LMTK2: variants seen among roughly 807,000 people sequenced by gnomAD.
LMTK2 encodes the protein serine/threonine-protein kinase LMTK2.
LMTK2 carries 37 observed loss-of-function variants against 127.5 expected under a neutral mutation model. The observed-to-expected ratio is 0.29, with a 90% confidence interval of 0.22 to 0.38. The LOEUF (loss-of-function observed/expected upper bound fraction) is 0.38. Ranked by LOEUF, LMTK2 falls within the 10% of genes least tolerant of loss-of-function variation. LMTK2 has a pLI of 1.00. For missense variants in LMTK2, 1,694 were observed against 1,920.3 expected (o/e 0.88, Z 2.20); for synonymous variants, 819 against 810.1 (o/e 1.01, Z -0.19).
chr7:98,124,668 C>T lies in LMTK2; in HGVS notation c.104-12647C>T, dbSNP rs140416864. On this transcript the variant is annotated intron_variant, in intron 1 of 13. Coordinates refer to ENST00000297293, the MANE Select transcript of LMTK2 (RefSeq NM_014916.4). ...GGGCATGGTGGTGCACACCTGTAGT[C>T]CCAGCTACTCGGGAGGCTGAGGTGG... Among the ~76,000 whole-genome samples, 523 of 152,224 alleles carry T rather than the reference C, an allele frequency of 3.4e-3. 2 individuals are homozygous for T. The highest frequency in any genetic ancestry group is 7.3e-3 in the South Asian group (35 of 4,822).
chr7:98,143,546 A>G (rs1796727748), intron 3 of LMTK2, among the ~76,000 whole-genome samples: 1 of 152,214 alleles, frequency 6.6e-6, no homozygotes, highest in Admixed American at 6.5e-5. Flanking sequence ...TAAACATAGT[A>G]ACCTCGTTAT....
At chr7:98,111,898 C>T (rs1375017471) in intron 1 of LMTK2, among the ~76,000 whole-genome samples, 6 of 152,164 alleles carry the variant, frequency 3.9e-5, no homozygotes, top group Admixed American at 6.5e-5. Context: ...ACTTGAAATT[C>T]GTAGTGTTGG....
At chr7:98,141,119 ATT>A (rs1222863137) in intron 2 of LMTK2, among the ~76,000 whole-genome samples, 1 of 152,086 alleles carries the variant, frequency 6.6e-6, no homozygotes, top group Non-Finnish European at 1.5e-5. Flanking sequence ...TTGAGAGTAA[ATT>A]TTTAAGCCTA....
In LMTK2 at chr7:98,192,842, G is replaced by C; in HGVS notation, c.2377G>C (p.Asp793His). The change falls in exon 11 of 14, where the codon GAT becomes CAT. Residue 793 changes from aspartate to histidine, a missense_variant. Coordinates refer to ENST00000297293, the MANE Select transcript of LMTK2 (RefSeq NM_014916.4). ...GGAAAACGTAAGCACAAAGGGTGAC[G>C]ATACAGATGTCATGCTCACAGGTGA... ...LQENVSTKGD[D>H]TDVMLTGDTL... is the part of the protein sequence containing the mutation. 6.2e-7 allele frequency: 1 copy of C among 1,613,870 alleles called. No individual in the cohort carries two copies. The highest frequency in any genetic ancestry group is 8.5e-7 in the Non-Finnish European group (1 of 1,179,836).
chr7:98,185,016 T>C, intron 7 of LMTK2, 35 bp from the exon 8 acceptor site: 2 of 1,490,060 alleles, frequency 1.3e-6, no homozygotes, highest in Non-Finnish European at 1.9e-6. Flanking sequence ...TGGTTGTTGA[T>C]TCTTCTTGCC....
rs1797543871 is a variant in LMTK2, at chr7:98,192,428, A to G, written c.1963A>G (p.Met655Val). 1 of 1,612,440 alleles carries G rather than the reference A, an allele frequency of 6.2e-7. No homozygotes were observed. The highest frequency in any genetic ancestry group is 1.3e-5 in the African/African-American group (1 of 74,832). The change falls in exon 11 of 14, where the codon ATG becomes GTG. Residue 655 changes from methionine (M) to valine (V), a missense_variant. Met to Val is a conservative substitution (Grantham distance 21). Around this residue, in one of 8 missense-constraint regions of LMTK2, gnomAD observed 527 missense variants for 539.8 expected, o/e 0.98. Transcript: ENST00000297293. Reference protein sequence around the residue: ...LPSHQKIFDLMELNGVQADFK... With the variant: ...LPSHQKIFDLVELNGVQADFK... ...CAGTCACCAAAAAATATTCGACTTAATGGAATTAAACGGAGTTCAAGCCGA... is the reference window on the plus strand; with the variant it reads ...CAGTCACCAAAAAATATTCGACTTAGTGGAATTAAACGGAGTTCAAGCCGA...
rs1562902953 is a variant in LMTK2, at chr7:98,140,192, C to CG, written c.232-1205_232-1204insG. ...CTTTTCTTTCTTTTCTTTCTTCTTT[C>CG]TGTCTTTGAGATGGTCTCGCTCTAT... On this transcript the variant is annotated intron_variant, in intron 2 of 13. Coordinates refer to ENST00000297293, the MANE Select transcript of LMTK2 (RefSeq NM_014916.4). Among the ~76,000 whole-genome samples, 23 of 67,030 alleles carry CG rather than the reference C, an allele frequency of 3.4e-4. 8 individuals are homozygous for CG. The highest frequency in any genetic ancestry group is 2.5e-3 in the African/African-American group (21 of 8,388). The allele number at this position is 67,030 out of a possible 152,430, so 44.0% of individuals were successfully genotyped here.
chr7:98,190,664 G>C (rs1311757426), intron 9 of LMTK2, 64 bp from the exon 10 acceptor site: 8 of 1,462,118 alleles, frequency 5.5e-6, no homozygotes, highest in Non-Finnish European at 7.7e-6. Flanking sequence ...TATGTAACAA[G>C]TATGAGTGTT....
chr7:98,192,285 T>C lies in LMTK2; in HGVS notation c.1820T>C (p.Phe607Ser). ...GAGTCCAGTACAGATGAGGACTTCT[T>C]CCAAAGCAGTACAGACCCCAAAGAC... is the stretch of plus-strand genomic sequence containing the variant. ...LEESSTDEDF[F>S]QSSTDPKDSS... The change falls in exon 11 of 14, where the codon TTC becomes TCC. Residue 607 changes from phenylalanine (F) to serine (S), a missense_variant. This residue lies in a region of LMTK2 where 527 missense variants were observed against 539.8 expected (regional missense o/e 0.98). Coordinates refer to ENST00000297293, the MANE Select transcript of LMTK2 (RefSeq NM_014916.4). 1 of 1,534,554 alleles carries C rather than the reference T, an allele frequency of 6.5e-7. No homozygotes were observed. Among genetic ancestry groups the C allele is most frequent in the African/African-American group, 1.4e-5 (1 of 72,050 alleles).
At chr7:98,144,348 G>A (rs1796740015) in intron 3 of LMTK2, among the ~76,000 whole-genome samples, 1 of 151,632 alleles carries the variant, frequency 6.6e-6, no homozygotes, top group Non-Finnish European at 1.5e-5. Context: ...CAGGAGAATG[G>A]CATGAACCCG....
chr7:98,118,420 A>G (rs527266836), intron 1 of LMTK2, among the ~76,000 whole-genome samples: 27 of 152,008 alleles, frequency 1.8e-4, no homozygotes, highest in Non-Finnish European at 3.2e-4. Context: ...TTTATAGGCA[A>G]CTCCTTGAAT....
chr7:98,186,268 G>C (rs1797432014), intron 8 of LMTK2, among the ~76,000 whole-genome samples: 1 of 152,032 alleles, frequency 6.6e-6, no homozygotes, highest in African/African-American at 2.4e-5. Context: ...TCACCCTGTT[G>C]GCCAGGCTGG....
At chr7:98,163,767 G>A (rs891437846) in intron 6 of LMTK2, among the ~76,000 whole-genome samples, 7 of 152,192 alleles carry the variant, frequency 4.6e-5, no homozygotes, top group African/African-American at 1.7e-4. Flanking sequence ...CCCAAAACCT[G>A]CCCAGAAACA....
Position 98,192,718 on chromosome 7 carries a change from T to C in LMTK2, c.2253T>C (p.Asn751=). Residue 751 remains asparagine (N), a synonymous_variant, in exon 11 of 14, where the codon AAT becomes AAC. Transcript: ENST00000297293. Reference sequence around the variant, plus strand: ...ATGATCTTCAGACAGAACTTAAGAATGCTGGTTTTACTGAAGCTATGTTAG... The same window carrying C: ...ATGATCTTCAGACAGAACTTAAGAACGCTGGTTTTACTGAAGCTATGTTAG... ...HINDLQTELK[N]AGFTEAMLET... is the part of the protein sequence containing the mutation. 6.2e-7 allele frequency: 1 copy of C among 1,612,400 alleles called. No homozygotes were observed. The highest frequency in any genetic ancestry group is 1.1e-5 in the South Asian group (1 of 90,826).
At chr7:98,134,669 A>C (rs562183474) in intron 1 of LMTK2, among the ~76,000 whole-genome samples, 32 of 151,206 alleles carry the variant, frequency 2.1e-4, no homozygotes, top group Non-Finnish European at 3.8e-4. Flanking sequence ...AAAAAAAAAA[A>C]AGAAGAAGAA....
chr7:98,164,706 G>C (rs1797067799), intron 6 of LMTK2, among the ~76,000 whole-genome samples: 1 of 152,180 alleles, frequency 6.6e-6, no homozygotes. Flanking sequence ...CTGTGCCCTG[G>C]TGGCGAGGCC....
At chr7:98,189,208 G>A (rs1369505222) in intron 9 of LMTK2, among the ~76,000 whole-genome samples, 2 of 152,170 alleles carry the variant, frequency 1.3e-5, no homozygotes, top group African/African-American at 2.4e-5. Flanking sequence ...GTGTGAGGAT[G>A]TAGGGGTCCA....
chr7:98,114,240 G>GT (rs554396308), intron 1 of LMTK2, among the ~76,000 whole-genome samples: 8,455 of 130,964 alleles, frequency 0.065, 511 homozygotes, highest in East Asian at 0.32. Context: ...TTTTTTTAAA[G>GT]TTTTTTTTTT....
rs546457062 is a variant in LMTK2 at position 98,106,897 on chromosome 7, C to A, written c.-281C>A. On this transcript the variant is annotated 5_prime_UTR_variant, in exon 1 of 14. Coordinates refer to ENST00000297293, the MANE Select transcript of LMTK2 (RefSeq NM_014916.4). Reference sequence around the variant, plus strand: ...GCAGCCCATCATGGCGGCGGGAGCGCGGCTTCCCAGGCCCGCCGCTCCGCA... The same window carrying A: ...GCAGCCCATCATGGCGGCGGGAGCGAGGCTTCCCAGGCCCGCCGCTCCGCA... 5 of 441,254 alleles carry A rather than the reference C, an allele frequency of 1.1e-5. No homozygotes were observed. The highest frequency in any genetic ancestry group is 2.0e-5 in the Non-Finnish European group (5 of 249,384). The allele number at this position is 441,254 out of a possible 1,614,324, so 27.3% of individuals were successfully genotyped here.
Sources: allele counts gnomAD v4.1 joint callset (sites outside exome capture counted in the v4.1 genomes callset), GRCh38; gene constraint gnomAD v4.1.1; regional missense constraint gnomAD v4.1.1; transcripts MANE v1.5; gene names NCBI Gene and HGNC (gene_info 2026-07-23, HGNC 2026-07-21).